Variants in RANBP9 observed in about 807,000 individuals in gnomAD.
RANBP9 encodes ran-binding protein 9.
Under a neutral mutation model 84.3 loss-of-function variants are expected in RANBP9, and 15 were observed. That is an observed-to-expected ratio of 0.18 (90% CI 0.12 to 0.27). The LOEUF (loss-of-function observed/expected upper bound fraction) is 0.27, where lower values mean the gene tolerates loss of function less well. RANBP9 is among the 10% of genes least tolerant of loss of function. RANBP9 has a pLI of 1.00. For synonymous variants in RANBP9, 392 were observed against 349.6 expected, an observed-to-expected ratio of 1.12 and a Z score of -1.35; for missense variants, 809 against 912.8, an observed-to-expected ratio of 0.89 and a Z score of 1.46.
chr6:13,624,181 ACTC>A (rs1291148183), intron 13 of RANBP9, among the ~76,000 whole-genome samples: 1 of 152,176 alleles, frequency 6.6e-6, no homozygotes, highest in African/African-American at 2.4e-5. Context: ...TGAGGACACT[ACTC>A]CTATTCCCAA....
intron 10 of RANBP9, among the ~76,000 whole-genome samples, chr6:13,636,068 G>A (rs1764930185): frequency 6.6e-6 from 1 of 152,064 alleles, no homozygotes; most frequent in South Asian, 2.1e-4. Flanking sequence ...AAACATCCTG[G>A]AAGAACTGAC....
chr6:13,702,008 T>C (rs1413578008), intron 1 of RANBP9, among the ~76,000 whole-genome samples: 1 of 152,170 alleles, frequency 6.6e-6, no homozygotes, highest in Non-Finnish European at 1.5e-5. Flanking sequence ...TATCTTCCTC[T>C]CTAATCTCTC....
chr6:13,640,747 T>C (rs545303829), intron 8 of RANBP9, among the ~76,000 whole-genome samples: 1 of 152,226 alleles, frequency 6.6e-6, no homozygotes, highest in South Asian at 2.1e-4. Flanking sequence ...GGGGGATGAA[T>C]GGATGGTTAG....
At chr6:13,688,823 T>A (rs1012585208) in intron 2 of RANBP9, among the ~76,000 whole-genome samples, 9 of 151,640 alleles carry the variant, frequency 5.9e-5, no homozygotes, top group African/African-American at 2.2e-4. Flanking sequence ...GTATTATCTT[T>A]CTAAAGCAGG....
At position 13,644,681 on chromosome 6, in the gene RANBP9, C is replaced by T. The variant is rs1765142852; in HGVS notation, c.976G>A (p.Asp326Asn). The T allele has an allele frequency of 1.2e-6, 2 of 1,612,902 alleles. No homozygotes were observed. Among genetic ancestry groups the T allele is most frequent in the Non-Finnish European group, 1.7e-6 (2 of 1,179,414 alleles). Residue 326 changes from aspartate to asparagine, a missense_variant, in exon 6 of 14, where the codon GAT (aspartate) becomes AAT (asparagine). Physicochemically the swap from Asp to Asn is conservative, Grantham distance 23. Transcript: ENST00000011619. ...VGLQTPGEVV[D>N]ANFGQHPFVF... The stretch of plus-strand genomic sequence containing the variant: ...AAAGGATGTTGCCCAAAATTGGCAT[C>T]GACCACTTCTCCTGGTGTTTGAAGC...
At chr6:13,626,480 A>AT (rs1764607906) in intron 12 of RANBP9, among the ~76,000 whole-genome samples, 1 of 152,238 alleles carries the variant, frequency 6.6e-6, no homozygotes, top group Non-Finnish European at 1.5e-5. Context: ...TCATTACTGC[A>AT]TAATGGGGAC....
At chr6:13,700,271 C>T (rs149911006) in intron 1 of RANBP9, among the ~76,000 whole-genome samples, 2 of 152,324 alleles carry the variant, frequency 1.3e-5, no homozygotes, top group Admixed American at 6.5e-5. Context: ...AGCCGTCCTT[C>T]TATCAGTAGC....
chr6:13,672,980 G>A (rs780975535), intron 2 of RANBP9, among the ~76,000 whole-genome samples: 12 of 151,848 alleles, frequency 7.9e-5, no homozygotes, highest in Non-Finnish European at 1.6e-4. Context: ...AGAAAATGAA[G>A]TATTTGAAGT....
At chr6:13,695,634 G>C (rs966323204) in intron 2 of RANBP9, among the ~76,000 whole-genome samples, 3 of 152,014 alleles carry the variant, frequency 2.0e-5, no homozygotes, top group Non-Finnish European at 4.4e-5. Context: ...TATACAGCTT[G>C]TAAAGTGAGA....
intron 2 of RANBP9, among the ~76,000 whole-genome samples, chr6:13,672,502 C>T (rs1478791282): frequency 6.6e-6 from 1 of 151,818 alleles, no homozygotes; most frequent in African/African-American, 2.4e-5. Context: ...TGTCTTATAC[C>T]TACAAACAAT....
chr6:13,703,017 T>C (rs1758013585), intron 1 of RANBP9, among the ~76,000 whole-genome samples: 1 of 152,174 alleles, frequency 6.6e-6, no homozygotes, highest in Non-Finnish European at 1.5e-5. Flanking sequence ...CTAGGGAAGG[T>C]GGGGAGGCTG....
intron 11 of RANBP9, among the ~76,000 whole-genome samples, chr6:13,632,975 T>C (rs1764834690): frequency 6.6e-6 from 1 of 151,830 alleles, no homozygotes; most frequent in African/African-American, 2.4e-5. Flanking sequence ...GAAGACAGCA[T>C]ATTATACTAA....
At chr6:13,682,128 C>T (rs1047526330) in intron 2 of RANBP9, among the ~76,000 whole-genome samples, 1 of 151,960 alleles carries the variant, frequency 6.6e-6, no homozygotes, top group African/African-American at 2.4e-5. Flanking sequence ...TCTTAAAGTG[C>T]TGGGATTACA....
chr6:13,637,435 C>G, intron 10 of RANBP9, among the ~76,000 whole-genome samples: 1 of 152,182 alleles, frequency 6.6e-6, no homozygotes, highest in East Asian at 1.9e-4. Context: ...TCTTATGTCA[C>G]CGTTCAAGGT....
intron 2 of RANBP9, among the ~76,000 whole-genome samples, chr6:13,686,588 T>C (rs896924747): frequency 1.5e-4 from 23 of 151,598 alleles, no homozygotes; most frequent in African/African-American, 5.3e-4. Flanking sequence ...CCCAGCCTAA[T>C]AAACAGGGTC....
chr6:13,658,989 C>T lies in RANBP9; in HGVS notation c.684-157G>A, dbSNP rs549147266. ...ATTACAATTTATTATGTAACAACAACGGGCAATATTAAGTACCAGTAATAC... is the reference window on the plus strand; with the variant it reads ...ATTACAATTTATTATGTAACAACAATGGGCAATATTAAGTACCAGTAATAC... On this transcript the variant is annotated intron_variant, in intron 2 of 13. Coordinates refer to ENST00000011619, the MANE Select transcript of RANBP9 (RefSeq NM_005493.3). 6.2e-4 allele frequency among the ~76,000 whole-genome samples: 94 copies of T among 152,128 alleles called. 2 individuals carry two copies. Among genetic ancestry groups the T allele is most frequent in the Admixed American group, 3.1e-3 (47 of 15,274 alleles).
chr6:13,695,250 A>G (rs960896061), intron 2 of RANBP9, among the ~76,000 whole-genome samples: 1 of 152,190 alleles, frequency 6.6e-6, no homozygotes, highest in Non-Finnish European at 1.5e-5. Context: ...CAAAACAGGC[A>G]GCAACTGGAG....
At chr6:13,693,002 C>T (rs914382967) in intron 2 of RANBP9, among the ~76,000 whole-genome samples, 13 of 152,212 alleles carry the variant, frequency 8.5e-5, no homozygotes, top group African/African-American at 2.9e-4. Flanking sequence ...ACTCTTAAAT[C>T]TGTAGGGTCA....
At chr6:13,624,061 T>C (rs1283819148) in intron 13 of RANBP9, among the ~76,000 whole-genome samples, 1 of 152,220 alleles carries the variant, frequency 6.6e-6, no homozygotes, top group African/African-American at 2.4e-5. Flanking sequence ...ACTAAGTTAC[T>C]TTTACCAACG....
Sources: allele counts gnomAD v4.1 joint callset (sites outside exome capture counted in the v4.1 genomes callset), GRCh38; gene constraint gnomAD v4.1.1; transcripts MANE v1.5; gene names NCBI Gene and HGNC (gene_info 2026-07-23, HGNC 2026-07-21).